The following SNAP25 variants were observed in gnomAD, a reference collection of about 807,000 sequenced individuals.
The protein encoded by SNAP25 is synaptosome associated protein 25.
SNAP25 carries 3 observed loss-of-function variants against 28.7 expected under a neutral mutation model. The ratio of observed to expected loss-of-function variants is 0.10; its 90% CI spans 0.05 to 0.27. SNAP25 has a LOEUF of 0.27. Among genes scored for constraint, SNAP25 ranks in the 10% least tolerant of loss-of-function variants. The pLI is 1.00. For synonymous variants in SNAP25, 61 were observed against 88.1 expected, an observed-to-expected ratio of 0.69 and a Z score of 1.72; for missense variants, 117 against 278.7, an observed-to-expected ratio of 0.42 and a Z score of 4.13.
At chr20:10,272,062 A>G (rs1218097226) in intron 1 of SNAP25, among the ~76,000 whole-genome samples, 1 of 152,144 alleles carries the variant, frequency 6.6e-6, no homozygotes, top group Non-Finnish European at 1.5e-5. Flanking sequence ...TCAAGCTTCC[A>G]TGGGTGCTCA....
intron 2 of SNAP25, 51 bp from the exon 3 acceptor site, chr20:10,277,634 T>G (rs894650256): frequency 6.6e-7 from 1 of 1,505,744 alleles, no homozygotes; most frequent in East Asian, 2.3e-5. Context: ...TTCCAAGATC[T>G]CTGGATCCTG....
At chr20:10,238,726 A>G (rs930913344) in intron 1 of SNAP25, among the ~76,000 whole-genome samples, 2 of 152,128 alleles carry the variant, frequency 1.3e-5, no homozygotes, top group African/African-American at 4.8e-5. Flanking sequence ...CCTGGCCAGC[A>G]TAGTGAAACT....
At chr20:10,264,536 T>C (rs2063473939) in intron 1 of SNAP25, among the ~76,000 whole-genome samples, 1 of 152,198 alleles carries the variant, frequency 6.6e-6, no homozygotes, top group Non-Finnish European at 1.5e-5. Flanking sequence ...GTTTAACACA[T>C]GCTATGTTAT....
At chr20:10,239,708 C>G (rs1468623915) in intron 1 of SNAP25, among the ~76,000 whole-genome samples, 2 of 152,096 alleles carry the variant, frequency 1.3e-5, no homozygotes, top group African/African-American at 4.8e-5. Context: ...AGGAATATGC[C>G]CAGAATATGG....
At chr20:10,304,709 CA>C (rs1212436512) in intron 7 of SNAP25, among the ~76,000 whole-genome samples, 1 of 152,178 alleles carries the variant, frequency 6.6e-6, no homozygotes. Context: ...CTGCTAGCAT[CA>C]CTGGTGGCAC....
chr20:10,251,886 G>A (rs1168742260), intron 1 of SNAP25, among the ~76,000 whole-genome samples: 1 of 152,188 alleles, frequency 6.6e-6, no homozygotes, highest in Non-Finnish European at 1.5e-5. Flanking sequence ...TCAAATCTGG[G>A]GAGATGGAAA....
chr20:10,288,231 T>C (rs1370727621), intron 4 of SNAP25, among the ~76,000 whole-genome samples: 1 of 152,110 alleles, frequency 6.6e-6, no homozygotes, highest in Non-Finnish European at 1.5e-5. Context: ...AGTTTCACCT[T>C]ATTTATTTTT....
rs189143420 is a variant in SNAP25 at position 10,286,893 on chromosome 20, A to T, written c.163+2121A>T. On this transcript the variant is annotated intron_variant, in intron 4 of 7. Coordinates refer to ENST00000254976, the MANE Select transcript of SNAP25 (RefSeq NM_130811.4). Reference sequence around the variant, plus strand: ...AATGGAAGTCTTAAGAACTCCCCCAATGGGTTTGTTATTATTACGTGACTT... The same window carrying T: ...AATGGAAGTCTTAAGAACTCCCCCATTGGGTTTGTTATTATTACGTGACTT... 2.6e-5 allele frequency among the ~76,000 whole-genome samples: 4 copies of T among 152,172 alleles called. No individual in the cohort carries two copies. The East Asian group carries it at 5.8e-4, about 22-fold the overall frequency.
At chr20:10,282,835 G>A (rs544320750) in intron 3 of SNAP25, among the ~76,000 whole-genome samples, 62 of 152,288 alleles carry the variant, frequency 4.1e-4, no homozygotes, top group African/African-American at 1.4e-3. Flanking sequence ...AAAGAATGCA[G>A]AAAAGAGCAA....
At chr20:10,284,881 ACG>A in intron 4 of SNAP25, 109 bp downstream of exon 4, 3 of 825,356 alleles carry the variant, frequency 3.6e-6, no homozygotes, top group Non-Finnish European at 6.0e-6. Flanking sequence ...ACACATGTAC[ACG>A]AATGTGAGGG....
chr20:10,226,892 T>A (rs1012365164), intron 1 of SNAP25, among the ~76,000 whole-genome samples: 1 of 152,104 alleles, frequency 6.6e-6, no homozygotes, highest in African/African-American at 2.4e-5. Flanking sequence ...TTGGGATCTC[T>A]CCCTGTAGAG....
chr20:10,294,869 T>C (rs1434512496), intron 5 of SNAP25, among the ~76,000 whole-genome samples: 1 of 151,982 alleles, frequency 6.6e-6, no homozygotes, highest in Non-Finnish European at 1.5e-5. Flanking sequence ...AGTGGCAACT[T>C]GCCCCCAGGT....
intron 4 of SNAP25, among the ~76,000 whole-genome samples, chr20:10,288,072 A>G (rs2063920246): frequency 6.6e-6 from 1 of 152,128 alleles, no homozygotes; most frequent in Non-Finnish European, 1.5e-5. Flanking sequence ...TGATGAGTTA[A>G]TGGGTGCAAC....
chr20:10,289,415 A>G (rs2063950926), intron 4 of SNAP25, among the ~76,000 whole-genome samples: 3 of 152,100 alleles, frequency 2.0e-5, no homozygotes, highest in South Asian at 4.1e-4. Flanking sequence ...GATCAGCTCC[A>G]AACTAAACAG....
intron 1 of SNAP25, among the ~76,000 whole-genome samples, chr20:10,262,693 C>T (rs3787287): frequency 0.018 from 2,706 of 152,200 alleles, 74 homozygotes; most frequent in African/African-American, 0.055. Flanking sequence ...AGGCAGTGCT[C>T]GCAGGAGAAA....
At chr20:10,301,646 C>T (rs1429133781) in intron 7 of SNAP25, among the ~76,000 whole-genome samples, 1 of 151,924 alleles carries the variant, frequency 6.6e-6, no homozygotes, top group Non-Finnish European at 1.5e-5. Flanking sequence ...CTCATAATCT[C>T]TCATGACCCC....
intron 4 of SNAP25, among the ~76,000 whole-genome samples, chr20:10,287,444 C>G (rs2063904337): frequency 2.6e-5 from 4 of 151,366 alleles, no homozygotes; most frequent in Admixed American, 2.0e-4. Flanking sequence ...AAATGCAAAT[C>G]AAAACCACAA....
intron 1 of SNAP25, among the ~76,000 whole-genome samples, chr20:10,273,275 G>T (rs1203507089): frequency 6.6e-6 from 1 of 152,084 alleles, no homozygotes; most frequent in Non-Finnish European, 1.5e-5. Context: ...CCCAGCTTCG[G>T]TTTTCAATAG....
chr20:10,228,153 C>T (rs776241555), intron 1 of SNAP25, among the ~76,000 whole-genome samples: 3 of 152,234 alleles, frequency 2.0e-5, no homozygotes, highest in Middle Eastern at 3.4e-3. Context: ...CATGAAAACA[C>T]GGGTTACTCT....
Sources: allele counts gnomAD v4.1 joint callset (sites outside exome capture counted in the v4.1 genomes callset), GRCh38; gene constraint gnomAD v4.1.1; transcripts MANE v1.5; gene names NCBI Gene and HGNC (gene_info 2026-07-23, HGNC 2026-07-21).